Variants in ZNF385A observed in about 807,000 individuals in gnomAD.
The protein encoded by ZNF385A is hematopoietic zinc finger protein.
ZNF385A carries 14 observed loss-of-function variants against 32.1 expected under a neutral mutation model. The ratio of observed to expected loss-of-function variants is 0.44; its 90% CI spans 0.29 to 0.68. ZNF385A has a LOEUF of 0.68. ZNF385A is among the 30% of genes least tolerant of loss of function. The pLI is 0.14. For synonymous variants in ZNF385A, 197 were observed against 202.7 expected, an observed-to-expected ratio of 0.97 and a Z score of 0.24; for missense variants, 406 against 478.4, an observed-to-expected ratio of 0.85 and a Z score of 1.41.
chr12:54,389,885 T>C (rs1173451741), intron 1 of ZNF385A, among the ~76,000 whole-genome samples: 1 of 152,044 alleles, frequency 6.6e-6, no homozygotes, highest in Non-Finnish European at 1.5e-5. Context: ...CTTCGTTCAG[T>C]CATCCATTCA....
At position 54,370,571 on chromosome 12, in the gene ZNF385A, C is replaced by G; in HGVS notation, c.870+55G>C. 2 of 1,555,934 alleles carry G rather than the reference C, an allele frequency of 1.3e-6. No individual in the cohort carries two copies. Among genetic ancestry groups the G allele is most frequent in the South Asian group, 1.2e-5 (1 of 84,588 alleles). On this transcript the variant is annotated intron_variant, in intron 6 of 6. Coordinates refer to ENST00000394313, the MANE Select transcript of ZNF385A (RefSeq NM_015481.3). This position sits in a 1 kb window ranked among gnomAD's most constrained non-coding sequence, Gnocchi z 5.5. ...CTCCCTGGGCAAAGCCCGCGTCCCT[C>G]TCTCCTCCCCGCCCGCGCCCTCCCA...
intron 1 of ZNF385A, among the ~76,000 whole-genome samples, chr12:54,376,770 G>A (rs1954869846): frequency 6.6e-6 from 1 of 152,216 alleles, no homozygotes; most frequent in Non-Finnish European, 1.5e-5. Context: ...CATGAGTAAG[G>A]GAGAGGACGG....
At chr12:54,375,068 G>GTA (rs1491586624) in intron 2 of ZNF385A, among the ~76,000 whole-genome samples, 2 of 31,572 alleles carry the variant, frequency 6.3e-5, no homozygotes, top group Non-Finnish European at 5.2e-4. Context: ...GTAGTATGGA[G>GTA]TGTGTGTGTG....
Position 54,375,860 on chromosome 12 carries a change from A to T in ZNF385A, c.182T>A (p.Ile61Asn). The T allele has an allele frequency of 6.2e-7, 1 of 1,614,088 alleles. No homozygotes were observed. Among genetic ancestry groups the T allele is most frequent in the Non-Finnish European group, 8.5e-7 (1 of 1,180,006 alleles). ...RPVISCNICQIRFNSQSQAEA... is the reference protein window; with the variant it reads ...RPVISCNICQNRFNSQSQAEA... ...GCTTCTTACCTGAGAATTGAAGCGGATTTGACAGATATTACAGGAAATGAC... is the reference window on the plus strand; with the variant it reads ...GCTTCTTACCTGAGAATTGAAGCGGTTTTGACAGATATTACAGGAAATGAC... Residue 61 changes from isoleucine to asparagine, a missense_variant, in exon 2 of 7, where the codon ATC becomes AAC. Ile to Asn is a moderately radical substitution (Grantham distance 149). Transcript: ENST00000394313.
At chr12:54,390,029 G>A (rs1026880826) in intron 1 of ZNF385A, among the ~76,000 whole-genome samples, 15 of 152,138 alleles carry the variant, frequency 9.9e-5, no homozygotes, top group Admixed American at 8.5e-4. Context: ...GATAGGCGGT[G>A]AAATGAAAGA....
chr12:54,369,929 T>G lies in ZNF385A; in HGVS notation c.*327A>C. 3 of 250,622 alleles carry G rather than the reference T, an allele frequency of 1.2e-5. No homozygotes were observed. The highest frequency in any genetic ancestry group is 2.3e-5 in the Non-Finnish European group (3 of 131,142). The allele number at this position is 250,622 out of a possible 1,614,324, so 15.5% of individuals were successfully genotyped here. ...ACCATGGCTTGTGAACCCCGTTTTGTGCTAGGTTTGGGGGGAAGGGCTGGA... is the reference window on the plus strand; with the variant it reads ...ACCATGGCTTGTGAACCCCGTTTTGGGCTAGGTTTGGGGGGAAGGGCTGGA... On this transcript the variant is annotated 3_prime_UTR_variant, in exon 7 of 7. Coordinates refer to ENST00000394313, the MANE Select transcript of ZNF385A (RefSeq NM_015481.3).
In ZNF385A at chr12:54,370,462, G is replaced by T; in HGVS notation, c.895C>A (p.Leu299Met). The change falls in exon 7 of 7, where the codon CTG (leucine) becomes ATG (methionine). Residue 299 changes from leucine (L) to methionine (M), a missense_variant. Transcript: ENST00000394313. This position sits in a 1 kb window ranked among gnomAD's most constrained non-coding sequence, Gnocchi z 5.5. ...LAGTLTFSKE[L>M]PKSLAGGLLP... ...AGGCCGCCCGCCAGGGACTTGGGCAGCTCCTTGGAGAAAGTCAGCGTGCCC... is the reference window on the plus strand; with the variant it reads ...AGGCCGCCCGCCAGGGACTTGGGCATCTCCTTGGAGAAAGTCAGCGTGCCC... The T allele has an allele frequency of 9.7e-6, 15 of 1,551,252 alleles. No individual in the cohort carries two copies. The highest frequency in any genetic ancestry group is 1.3e-5 in the Non-Finnish European group (15 of 1,146,814).
At chr12:54,375,038 G>C (rs1954768975) in intron 2 of ZNF385A, among the ~76,000 whole-genome samples, 1 of 151,842 alleles carries the variant, frequency 6.6e-6, no homozygotes, top group African/African-American at 2.4e-5. Context: ...CAGGGGTAAA[G>C]TAGCAGTGTG....
chr12:54,385,008 G>T, upstream of ZNF385A: 1 of 571,450 alleles, frequency 1.7e-6, no homozygotes, highest in Non-Finnish European at 2.2e-6. Flanking sequence ...TCATCCTACT[G>T]ACCAGAGGGG....
intron 1 of ZNF385A, chr12:54,379,228 GC>G (rs1279202634): frequency 1.8e-5 from 18 of 982,606 alleles, no homozygotes; most frequent in African/African-American, 1.8e-5. Context: ...GGCGGCGCTG[GC>G]CCGGGCCGGA....
At chr12:54,371,448 T>C in intron 4 of ZNF385A, 25 bp downstream of exon 4, 1 of 1,593,802 alleles carries the variant, frequency 6.3e-7, no homozygotes, top group Admixed American at 1.8e-5. Flanking sequence ...CAGGAGAGTC[T>C]GGGTGGGGGC....
In ZNF385A at chr12:54,371,719, T is replaced by C. The variant is rs1347731617; in HGVS notation, c.362-4A>G. On this transcript the variant is annotated splice_region_variant and splice_polypyrimidine_tract_variant and intron_variant, in intron 3 of 6. Coordinates refer to ENST00000394313, the MANE Select transcript of ZNF385A (RefSeq NM_015481.3). The stretch of plus-strand genomic sequence containing the variant: ...CCCAGTCCATTCTCCATGGAAACTG[T>C]TGTTGGGGGAGAAACATGGGGATCA... The C allele has an allele frequency of 1.2e-6, 2 of 1,611,372 alleles. No homozygotes were observed. Among genetic ancestry groups the C allele is most frequent in the East Asian group, 2.2e-5 (1 of 44,856 alleles).
chr12:54,390,495 GAGA>G (rs1054607822), intron 1 of ZNF385A, among the ~76,000 whole-genome samples: 1 of 152,206 alleles, frequency 6.6e-6, no homozygotes, highest in South Asian at 2.1e-4. Flanking sequence ...GGGGTGGAGG[GAGA>G]AGAAGGAAGT....
intron 3 of ZNF385A, among the ~76,000 whole-genome samples, chr12:54,372,415 T>TC (rs1954602544): frequency 1.3e-5 from 2 of 152,148 alleles, no homozygotes; most frequent in Admixed American, 1.3e-4. Flanking sequence ...TCCTCACCCC[T>TC]CCAGGTACCC....
chr12:54,384,390 C>G, intron 1 of ZNF385A, 38 bp downstream of exon 1: 1 of 1,547,218 alleles, frequency 6.5e-7, no homozygotes, highest in African/African-American at 1.4e-5. Flanking sequence ...AAGGTCGGGT[C>G]ACAAGAGGAT....
upstream of ZNF385A, among the ~76,000 whole-genome samples, chr12:54,387,366 T>C (rs988293136): frequency 1.3e-5 from 2 of 152,014 alleles, no homozygotes; most frequent in African/African-American, 2.4e-5. Context: ...AGACAAACTA[T>C]CTACTTCCCA....
At chr12:54,390,528 C>G (rs1239647238) in intron 1 of ZNF385A, among the ~76,000 whole-genome samples, 1 of 151,150 alleles carries the variant, frequency 6.6e-6, no homozygotes, top group Non-Finnish European at 1.5e-5. Context: ...GGGACTTAGG[C>G]AGCTACAGCA....
chr12:54,386,903 A>G (rs1356375270), upstream of ZNF385A, among the ~76,000 whole-genome samples: 2 of 152,250 alleles, frequency 1.3e-5, no homozygotes, highest in Non-Finnish European at 2.9e-5. Flanking sequence ...CCATGATTCA[A>G]TGAAGTAGCT....
At chr12:54,373,029 ACT>A (rs1211617858) in intron 3 of ZNF385A, 1 of 168,240 alleles carries the variant, frequency 5.9e-6, no homozygotes, top group South Asian at 1.1e-4. Flanking sequence ...ACAGAGTGAG[ACT>A]CTGTCTCAAA....
Sources: gnomAD v4.1 joint callset for allele counts (sites outside exome capture counted in the v4.1 genomes callset) on GRCh38, gnomAD v4.1.1 for gene constraint, Gnocchi (gnomAD v3.1) non-coding constraint, MANE v1.5 for transcripts, NCBI Gene and HGNC (gene_info 2026-07-23, HGNC 2026-07-21) for gene names.